Variants in CHAMP1 observed in about 807,000 individuals in gnomAD.
CHAMP1 encodes the protein chromosome alignment-maintaining phosphoprotein 1.
Under a neutral mutation model 54.5 loss-of-function variants are expected in CHAMP1, and 4 were observed. That is an observed-to-expected ratio of 0.07 (90% CI 0.04 to 0.17). CHAMP1 has a LOEUF of 0.17. Among genes scored for constraint, CHAMP1 ranks in the 10% least tolerant of loss-of-function variants. CHAMP1 has a pLI of 1.00. For synonymous variants in CHAMP1, 368 were observed against 342.2 expected, an observed-to-expected ratio of 1.08 and a Z score of -0.83; for missense variants, 994 against 968.6, an observed-to-expected ratio of 1.03 and a Z score of -0.35.
intron 1 of CHAMP1, among the ~76,000 whole-genome samples, chr13:114,316,754 T>G (rs1440388945): frequency 7.1e-6 from 1 of 140,906 alleles, no homozygotes; most frequent in African/African-American, 2.5e-5. Context: ...TGCTTTGGAT[T>G]TTTTTTTTTT....
rs1555379446 is a variant in CHAMP1 at position 114,324,363 on chromosome 13, C to G, written c.521C>G (p.Pro174Arg). ...SPELQTPLPS[P>R]EPSKPASVSS... ...GAGCTACAGACACCTCTTCCTTCTCCTGAGCCTTCAAAACCTGCCTCTGTT... is the reference window on the plus strand; with the variant it reads ...GAGCTACAGACACCTCTTCCTTCTCGTGAGCCTTCAAAACCTGCCTCTGTT... The change falls in exon 3 of 3, where the codon CCT (proline) becomes CGT (arginine). Residue 174 changes from proline to arginine, a missense_variant. Physicochemically the swap from Pro to Arg is moderately radical, Grantham distance 103 (BLOSUM62 -2). Coordinates refer to ENST00000361283, the MANE Select transcript of CHAMP1 (RefSeq NM_032436.4). 1.2e-6 allele frequency: 2 copies of G among 1,613,598 alleles called. No homozygotes were observed. The highest frequency in any genetic ancestry group is 1.7e-6 in the Non-Finnish European group (2 of 1,179,568).
intron 2 of CHAMP1, chr13:114,323,252 A>C (rs1555379257): frequency 6.6e-6 from 1 of 152,274 alleles, no homozygotes; most frequent in African/African-American, 2.4e-5. Flanking sequence ...ATTACAAAAT[A>C]TGTTGACATG....
intron 1 of CHAMP1, among the ~76,000 whole-genome samples, chr13:114,319,768 A>G (rs1161051443): frequency 1.3e-5 from 2 of 152,208 alleles, no homozygotes; most frequent in Non-Finnish European, 2.9e-5. Context: ...TGACTTAAAA[A>G]GCTGTCCTGC....
intron 1 of CHAMP1, among the ~76,000 whole-genome samples, chr13:114,319,022 A>G (rs530204532): frequency 2.9e-4 from 44 of 151,862 alleles, no homozygotes; most frequent in Non-Finnish European, 5.6e-4. Context: ...GTATTTATGC[A>G]CTTGATATGT....
At chr13:114,318,126 G>C (rs74118704) in intron 1 of CHAMP1, among the ~76,000 whole-genome samples, 3,544 of 152,242 alleles carry the variant, frequency 0.023, 132 homozygotes, top group African/African-American at 0.081. Flanking sequence ...CTGTGGGAAA[G>C]ACAGCATTTT....
Position 114,325,725 on chromosome 13 carries a change from A to T in CHAMP1, c.1883A>T (p.Asp628Val). ...AAGAAAGACAACCAAGAGAGCTCAG[A>T]CGCTGAGCTTAGTAGTAGTGAGTAC... is the stretch of plus-strand genomic sequence containing the variant. ...KLKKDNQESS[D>V]AELSSSEYIK... Residue 628 changes from aspartate to valine, a missense_variant, in exon 3 of 3, where the codon GAC (aspartate) becomes GTC (valine). Physicochemically the swap from Asp to Val is radical, Grantham distance 152 (BLOSUM62 -3). Around this residue, in one of 3 missense-constraint regions of CHAMP1, gnomAD observed 851 missense variants for 701.3 expected, o/e 1.21. Coordinates refer to ENST00000361283, the MANE Select transcript of CHAMP1 (RefSeq NM_032436.4). 6.2e-7 allele frequency: 1 copy of T among 1,614,144 alleles called. No homozygotes were observed. Among genetic ancestry groups the T allele is most frequent in the Non-Finnish European group, 8.5e-7 (1 of 1,180,000 alleles).
chr13:114,316,589 C>CAA (rs200610532), intron 1 of CHAMP1, among the ~76,000 whole-genome samples: 4 of 148,828 alleles, frequency 2.7e-5, no homozygotes, highest in African/African-American at 7.4e-5. Context: ...GACTCCCTCT[C>CAA]AAAAAAAAAT....
chr13:114,321,524 C>G (rs186279824), intron 2 of CHAMP1, among the ~76,000 whole-genome samples: 55 of 152,190 alleles, frequency 3.6e-4, no homozygotes, highest in African/African-American at 1.2e-3. Flanking sequence ...ACCCAGCACA[C>G]CTGAGCTCTT....
chr13:114,326,148 G>A lies in CHAMP1; in HGVS notation c.2306G>A (p.Arg769His). The part of the protein sequence containing the change: ...AHGQSLLKCP[R>H]CNFESNFPRG... ...GGGCAAAGTTTACTTAAATGTCCAC[G>A]TTGTAATTTTGAATCAAATTTCCCA... The change falls in exon 3 of 3, where the codon CGT becomes CAT. Residue 769 changes from arginine to histidine, a missense_variant. Physicochemically the swap from Arg to His is conservative, Grantham distance 29 (BLOSUM62 0). This residue lies in a region of CHAMP1 where 59 missense variants were observed against 146.7 expected (regional missense o/e 0.40). Transcript: ENST00000361283. 3 of 1,613,178 alleles carry A rather than the reference G, an allele frequency of 1.9e-6. No homozygotes were observed. The highest frequency in any genetic ancestry group is 2.5e-6 in the Non-Finnish European group (3 of 1,179,462).
chr13:114,315,981 CG>C (rs1282889246), intron 1 of CHAMP1, among the ~76,000 whole-genome samples: 3 of 151,786 alleles, frequency 2.0e-5, no homozygotes, highest in Admixed American at 6.6e-5. Context: ...GCATTACAGG[CG>C]CTTGCCACCA....
chr13:114,319,091 A>T (rs1429641010), intron 1 of CHAMP1, among the ~76,000 whole-genome samples: 2 of 152,034 alleles, frequency 1.3e-5, no homozygotes, highest in Non-Finnish European at 2.9e-5. Flanking sequence ...GCTTTAAAAG[A>T]TCTTACTAAA....
rs531065786 is a variant in CHAMP1, at chr13:114,326,392, G to A, written c.*111G>A. ...CAGTAGATGACATGTATGGTGTACC[G>A]TGTTTCACTGTCTCAGTTGTGTTAC... is the stretch of plus-strand genomic sequence containing the variant. On this transcript the variant is annotated 3_prime_UTR_variant, in exon 3 of 3. Transcript: ENST00000361283. 2.6e-5 allele frequency: 32 copies of A among 1,217,030 alleles called. No individual in the cohort carries two copies. Among genetic ancestry groups the A allele is most frequent in the Admixed American group, 1.3e-4 (4 of 30,740 alleles). The allele number at this position is 1,217,030 out of a possible 1,614,324, so 75.4% of individuals were successfully genotyped here.
chr13:114,324,244 A>C lies in CHAMP1; in HGVS notation c.402A>C (p.Thr134=). The C allele has an allele frequency of 6.2e-7, 1 of 1,614,174 alleles. No individual in the cohort carries two copies. The highest frequency in any genetic ancestry group is 8.5e-7 in the Non-Finnish European group (1 of 1,180,034). ...PKSIPALSME[T]QKLGSVLSPE... is the part of the protein sequence containing the mutation. ...CCATACCTGCCCTTTCAATGGAAAC[A>C]CAGAAACTTGGTTCAGTTTTGTCTC... The change falls in exon 3 of 3, where the codon ACA becomes ACC. Residue 134 remains threonine, a synonymous_variant. Coordinates refer to ENST00000361283, the MANE Select transcript of CHAMP1 (RefSeq NM_032436.4).
Position 114,325,205 on chromosome 13 carries a change from C to A in CHAMP1, c.1363C>A (p.Gln455Lys). Reference protein sequence around the residue: ...SPDLWKLSPDQRKTSPASLDF... With the variant: ...SPDLWKLSPDKRKTSPASLDF... The stretch of plus-strand genomic sequence containing the variant: ...AGATCTTTGGAAGCTTTCTCCTGAT[C>A]AGCGGAAAACTTCTCCTGCTTCACT... Residue 455 changes from glutamine (Q) to lysine (K), a missense_variant, in exon 3 of 3, where the codon CAG becomes AAG. Physicochemically the swap from Gln to Lys is moderately conservative, Grantham distance 53. Around this residue, in one of 3 missense-constraint regions of CHAMP1, gnomAD observed 851 missense variants for 701.3 expected, o/e 1.21. Transcript: ENST00000361283. 3 of 1,614,160 alleles carry A rather than the reference C, an allele frequency of 1.9e-6. No individual in the cohort carries two copies. The highest frequency in any genetic ancestry group is 2.5e-6 in the Non-Finnish European group (3 of 1,180,022).
In CHAMP1 at chr13:114,325,844, G is replaced by C. The variant is rs2087243561; in HGVS notation, c.2002G>C (p.Glu668Gln). 3.7e-6 allele frequency: 6 copies of C among 1,614,044 alleles called. No individual in the cohort carries two copies. In the Admixed American group the frequency reaches 5.0e-5, roughly 13 times the overall value. The change falls in exon 3 of 3, where the codon GAG becomes CAG. Residue 668 changes from glutamate to glutamine, a missense_variant. Transcript: ENST00000361283. Reference sequence around the variant, plus strand: ...TGTGGAATCCATTGATTTTAGCAAAGAGAACAAAATGGACATGACTAGTCC... The same window carrying C: ...TGTGGAATCCATTGATTTTAGCAAACAGAACAAAATGGACATGACTAGTCC... Reference protein sequence around the residue: ...VDVESIDFSKENKMDMTSPEQ... With the variant: ...VDVESIDFSKQNKMDMTSPEQ...
In CHAMP1 at chr13:114,327,050, T is replaced by G. The variant is rs2087260527; in HGVS notation, c.*769T>G. Reference sequence around the variant, plus strand: ...GCCAGCTCACACTAATAGATGATTCTTAATTGCCAAATGTGTTAGAGTTTG... The same window carrying G: ...GCCAGCTCACACTAATAGATGATTCGTAATTGCCAAATGTGTTAGAGTTTG... On this transcript the variant is annotated 3_prime_UTR_variant, in exon 3 of 3. Coordinates refer to ENST00000361283, the MANE Select transcript of CHAMP1 (RefSeq NM_032436.4). 1 of 145,604 alleles carries G rather than the reference T, an allele frequency of 6.9e-6. No individual in the cohort carries two copies. The highest frequency in any genetic ancestry group is 1.6e-5 in the Non-Finnish European group (1 of 63,892). 9.0% of individuals were successfully genotyped at this position (145,604 alleles called of 1,614,324 possible). A position where few individuals can be genotyped will look rare whatever the true frequency, so the allele number is the denominator to read the frequency against.
In CHAMP1 at chr13:114,316,149, T is replaced by C. The variant is rs370354662; in HGVS notation, c.-179+1506T>C. On this transcript the variant is annotated intron_variant, in intron 1 of 2. Transcript: ENST00000361283. The stretch of plus-strand genomic sequence containing the variant: ...CCATGTCCGGCCTAAATGGCAAGTT[T>C]TTTGTTTTTATTTTTGTTTTTGTTT... 2.1e-3 allele frequency among the ~76,000 whole-genome samples: 324 copies of C among 151,946 alleles called. 11 individuals are homozygous for C. In the South Asian group the frequency reaches 0.051, roughly 24 times the overall value.
chr13:114,325,435 T>C lies in CHAMP1; in HGVS notation c.1593T>C (p.Phe531=), dbSNP rs1555379805. 1 of 1,613,994 alleles carries C rather than the reference T, an allele frequency of 6.2e-7. No homozygotes were observed. The highest frequency in any genetic ancestry group is 2.2e-5 in the East Asian group (1 of 44,876). ...IDTEPRKPAL[F]PEPAKTAPPA... ...CTGAGCCTAGAAAACCTGCCCTGTT[T>C]CCCGAGCCTGCCAAAACAGCCCCTC... Residue 531 remains phenylalanine, a synonymous_variant, in exon 3 of 3, where the codon TTT becomes TTC. Transcript: ENST00000361283.
intron 1 of CHAMP1, among the ~76,000 whole-genome samples, chr13:114,315,345 A>G (rs1158579487): frequency 3.9e-5 from 6 of 152,194 alleles, no homozygotes; most frequent in Middle Eastern, 3.2e-3. Flanking sequence ...TGCAGCAGCT[A>G]TGGAAATTGG....
Sources: gnomAD v4.1 joint callset for allele counts (sites outside exome capture counted in the v4.1 genomes callset) on GRCh38, gnomAD v4.1.1 for gene constraint, gnomAD v4.1.1 regional missense constraint, MANE v1.5 for transcripts, NCBI Gene and HGNC (gene_info 2026-07-23, HGNC 2026-07-21) for gene names.